Variants in DGKD observed in about 807,000 individuals in gnomAD.
DGKD encodes the protein DAG kinase delta.
In DGKD, 68 loss-of-function variants were observed where a neutral mutation model predicts 154.4. The observed-to-expected ratio is 0.44, with a 90% CI of 0.36 to 0.54. The LOEUF (loss-of-function observed/expected upper bound fraction) is 0.54, where lower values mean the gene tolerates loss of function less well. DGKD is among the 20% of genes least tolerant of loss of function. The pLI is 0.00. For synonymous variants in DGKD, 693 were observed against 638.0 expected (o/e 1.09, Z -1.30); for missense variants, 1,343 against 1,593.6 (o/e 0.84, Z 2.68).
chr2:233,359,462 A>G (rs1015965627), intron 1 of DGKD, among the ~76,000 whole-genome samples: 1 of 151,174 alleles, frequency 6.6e-6, no homozygotes, highest in Non-Finnish European at 1.5e-5. Context: ...TGATCACTAA[A>G]TGGTTGCTTT....
rs192187733 is a variant in DGKD at position 233,374,869 on chromosome 2, A to G, written c.157-13388A>G. ...AAGCAGAGGGATACTTTACTATGCT[A>G]TGTTGCCCAGGCTGGTCTTGAATTC... is the stretch of plus-strand genomic sequence containing the variant. On this transcript the variant is annotated intron_variant, in intron 1 of 29. Transcript: ENST00000264057. 8.2e-5 allele frequency among the ~76,000 whole-genome samples: 12 copies of G among 145,654 alleles called. No homozygotes were observed. In the East Asian group the frequency reaches 1.1e-3, roughly 13 times the overall value.
intron 3 of DGKD, among the ~76,000 whole-genome samples, chr2:233,401,010 C>G (rs2125482762): frequency 6.6e-6 from 1 of 152,152 alleles, no homozygotes; most frequent in Non-Finnish European, 1.5e-5. Context: ...ATAGAAGACC[C>G]AAGGCAGCAG....
At chr2:233,450,242 A>G in intron 16 of DGKD, 111 bp downstream of exon 16, 1 of 1,351,244 alleles carries the variant, frequency 7.4e-7, no homozygotes, top group Non-Finnish European at 9.8e-7. Context: ...TGCTTTGGCC[A>G]CTTGGTTACA....
intron 27 of DGKD, among the ~76,000 whole-genome samples, chr2:233,465,718 A>G (rs1215018475): frequency 6.6e-6 from 1 of 152,216 alleles, no homozygotes; most frequent in Non-Finnish European, 1.5e-5. Flanking sequence ...AAGGACCAGC[A>G]AGGGTATCGC....
At chr2:233,377,978 T>A (rs557242783) in intron 1 of DGKD, among the ~76,000 whole-genome samples, 7 of 152,184 alleles carry the variant, frequency 4.6e-5, no homozygotes, top group East Asian at 3.9e-4. Flanking sequence ...TTTAAATAAT[T>A]ATTATTATTT....
chr2:233,364,458 TAGAA>T (rs1701930630), intron 1 of DGKD, among the ~76,000 whole-genome samples: 1 of 152,298 alleles, frequency 6.6e-6, no homozygotes, highest in African/African-American at 2.4e-5. Context: ...TTAAATTATA[TAGAA>T]TTAAAATACA....
At chr2:233,439,631 G>T (rs1012339744) in intron 9 of DGKD, among the ~76,000 whole-genome samples, 1 of 152,160 alleles carries the variant, frequency 6.6e-6, no homozygotes, top group African/African-American at 2.4e-5. Context: ...GTGCAATCCT[G>T]GCTCACAGCA....
chr2:233,389,808 G>A (rs1703469780), intron 2 of DGKD, among the ~76,000 whole-genome samples: 1 of 152,140 alleles, frequency 6.6e-6, no homozygotes, highest in Non-Finnish European at 1.5e-5. Context: ...AGGTCCCCAG[G>A]CCTGACTCCC....
chr2:233,457,201 T>G lies in DGKD; in HGVS notation c.2473-20T>G. On this transcript the variant is annotated intron_variant, in intron 20 of 29. Coordinates refer to ENST00000264057, the MANE Select transcript of DGKD (RefSeq NM_152879.3). The surrounding 1 kb of genome is among the most constrained non-coding windows in gnomAD (Gnocchi z 5.5). ...CTCATACCTTTCTCTTTTCTTTTGT[T>G]CTGTGTCTCTGCTGCTCAGTGTGAC... 6.7e-7 allele frequency: 1 copy of G among 1,499,612 alleles called. No homozygotes were observed. Among genetic ancestry groups the G allele is most frequent in the Non-Finnish European group, 9.0e-7 (1 of 1,116,748 alleles). 92.9% of individuals were successfully genotyped at this position (1,499,612 alleles called of 1,614,324 possible).
intron 1 of DGKD, among the ~76,000 whole-genome samples, chr2:233,384,350 C>T (rs1162554193): frequency 1.3e-5 from 2 of 152,226 alleles, no homozygotes; most frequent in Non-Finnish European, 2.9e-5. Context: ...GTTCTCCTTT[C>T]TGGCTTTCCT....
Position 233,456,820 on chromosome 2 carries a change from C to G in DGKD, c.2376-79C>G, listed in dbSNP as rs73995973. ...CTGATTTGTGGGTCAGATGCTGTTC[C>G]CAGCTTTCACAGAAATGACTCTGGT... On this transcript the variant is annotated intron_variant, in intron 19 of 29. Coordinates refer to ENST00000264057, the MANE Select transcript of DGKD (RefSeq NM_152879.3). 7.1e-3 allele frequency: 7,890 copies of G among 1,104,402 alleles called. 378 individuals carry two copies. In the African/African-American group the frequency reaches 0.11, roughly 15 times the overall value. The allele number at this position is 1,104,402 out of a possible 1,614,324, so 68.4% of individuals were successfully genotyped here. A position where few individuals can be genotyped will look rare whatever the true frequency, so the allele number is the denominator to read the frequency against.
At chr2:233,378,305 A>T (rs1049184398) in intron 1 of DGKD, among the ~76,000 whole-genome samples, 9 of 151,662 alleles carry the variant, frequency 5.9e-5, no homozygotes, top group Admixed American at 3.3e-4. Flanking sequence ...CCAGCTACTC[A>T]GGAGGCTGAG....
chr2:233,359,767 C>G (rs1701696120), intron 1 of DGKD, among the ~76,000 whole-genome samples: 1 of 152,058 alleles, frequency 6.6e-6, no homozygotes. Flanking sequence ...TGCGAGGCAC[C>G]AGGGGTATCT....
intron 2 of DGKD, chr2:233,388,612 AAAG>A (rs1703354587): frequency 2.8e-6 from 1 of 358,714 alleles, no homozygotes; most frequent in Non-Finnish European, 5.0e-6. Context: ...GAAAAGGAAA[AAAG>A]GGTCACAGAG....
chr2:233,371,012 A>G (rs1574989227), intron 1 of DGKD, among the ~76,000 whole-genome samples: 1 of 94,336 alleles, frequency 1.1e-5, no homozygotes, highest in Non-Finnish European at 2.1e-5. Context: ...TTGGCCTCCC[A>G]GAGTGCTGGG....
intron 1 of DGKD, among the ~76,000 whole-genome samples, chr2:233,365,456 G>T (rs977364659): frequency 1.1e-4 from 16 of 152,052 alleles, no homozygotes; most frequent in Non-Finnish European, 2.9e-5. Context: ...TCTTGGTTAG[G>T]CTGGTCTTGA....
intron 3 of DGKD, among the ~76,000 whole-genome samples, chr2:233,409,920 C>T (rs765792711): frequency 7.9e-5 from 12 of 151,446 alleles, no homozygotes; most frequent in Non-Finnish European, 1.8e-4. Flanking sequence ...GGAGCTGCCT[C>T]CAGGCCTGTG....
chr2:233,429,663 G>C (rs1246962230), intron 3 of DGKD, among the ~76,000 whole-genome samples: 2 of 152,354 alleles, frequency 1.3e-5, no homozygotes, highest in East Asian at 3.9e-4. Context: ...GCCAGCATCT[G>C]CTGAGCCGGG....
intron 1 of DGKD, among the ~76,000 whole-genome samples, chr2:233,382,701 A>T (rs1171378402): frequency 6.6e-6 from 1 of 152,166 alleles, no homozygotes; most frequent in African/African-American, 2.4e-5. Flanking sequence ...CTCACTCCTT[A>T]CATGCTCAAG....
Sources: allele counts gnomAD v4.1 joint callset (sites outside exome capture counted in the v4.1 genomes callset), GRCh38; gene constraint gnomAD v4.1.1; non-coding constraint Gnocchi (gnomAD v3.1); transcripts MANE v1.5; gene names NCBI Gene and HGNC (gene_info 2026-07-23, HGNC 2026-07-21).